The following SLC24A2 variants were observed in gnomAD, a reference collection of about 807,000 sequenced individuals.
The protein encoded by SLC24A2 is solute carrier family 24 member 2, also known as sodium/potassium/calcium exchanger 2.
SLC24A2 carries 36 observed loss-of-function variants against 62.0 expected under a neutral mutation model. That is an observed-to-expected ratio of 0.58 (90% CI 0.44 to 0.77). The LOEUF (loss-of-function observed/expected upper bound fraction) is 0.77. Among genes scored for constraint, SLC24A2 ranks in the 30% least tolerant of loss-of-function variants. SLC24A2 has a pLI of 0.00. For missense variants in SLC24A2, 846 were observed against 817.9 expected (o/e 1.03, Z -0.42); for synonymous variants, 358 against 294.0 (o/e 1.22, Z -2.23).
intron 2 of SLC24A2, among the ~76,000 whole-genome samples, chr9:19,785,673 CT>C (rs1395178151): frequency 2.0e-5 from 3 of 152,182 alleles, no homozygotes; most frequent in African/African-American, 4.8e-5. Context: ...GCTGAATTGG[CT>C]TTGGGAGGCT....
At chr9:19,961,098 G>A in the SLC24A2 span, among the ~76,000 whole-genome samples, 7 of 145,494 alleles carry the variant, frequency 4.8e-5, no homozygotes, top group African/African-American at 1.5e-4. Flanking sequence ...AGAGAAGAAA[G>A]GAGAGAGAGA....
chr9:19,553,173 G>GGGA (rs1834926563), intron 7 of SLC24A2, among the ~76,000 whole-genome samples: 1 of 152,192 alleles, frequency 6.6e-6, no homozygotes, highest in Non-Finnish European at 1.5e-5. Flanking sequence ...CTGGCTCAAT[G>GGGA]GGAGGCAGTT....
At position 19,786,723 on chromosome 9, in the gene SLC24A2, G is replaced by C; in HGVS notation, c.144C>G (p.Ala48=). ...TGATTGAAAATGAGACAGTGCTAAT[G>C]GCTACCAGACCCATGAAAAGGCCTA... ...RVLGLFMGLV[A]ISTVSFSISA... is the part of the protein sequence containing the mutation. The change falls in exon 2 of 11, where the codon GCC becomes GCG. Residue 48 remains alanine, a synonymous_variant. Coordinates refer to ENST00000341998, the MANE Select transcript of SLC24A2 (RefSeq NM_020344.4). This position sits in a 1 kb window ranked among gnomAD's most constrained non-coding sequence, Gnocchi z 5.0. The C allele has an allele frequency of 1.2e-6, 2 of 1,609,334 alleles. No individual in the cohort carries two copies. The highest frequency in any genetic ancestry group is 1.7e-6 in the Non-Finnish European group (2 of 1,177,186).
At chr9:20,290,031 G>A in the SLC24A2 span, among the ~76,000 whole-genome samples, 1 of 152,156 alleles carries the variant, frequency 6.6e-6, no homozygotes, top group African/African-American at 2.4e-5. Context: ...AACCCTGGCT[G>A]AGCTCTTGCC....
In SLC24A2 at chr9:19,576,988, C is replaced by A; in HGVS notation, c.1164G>T (p.Lys388Asn). Residue 388 changes from lysine (K) to asparagine (N), a missense_variant, in exon 6 of 11, where the codon AAG (lysine) becomes AAT (asparagine). Lys to Asn is a moderately conservative substitution (Grantham distance 94, BLOSUM62 0). Coordinates refer to ENST00000341998, the MANE Select transcript of SLC24A2 (RefSeq NM_020344.4). ...RFREKASILH[K>N]IAKKKCHVDE... ...CCACATGACATTTCTTCTTGGCGAT[C>A]TTGTGGAGAATTGAAGCCTTTTCTC... is the stretch of plus-strand genomic sequence containing the variant. 1 of 1,614,188 alleles carries A rather than the reference C, an allele frequency of 6.2e-7. No homozygotes were observed. The highest frequency in any genetic ancestry group is 1.3e-5 in the African/African-American group (1 of 75,060).
chr9:19,636,315 T>TTTTCTTTTCTTTCTTTCTTTCTTTCTTTC, intron 2 of SLC24A2, among the ~76,000 whole-genome samples: 14 of 40,292 alleles, frequency 3.5e-4, no homozygotes, highest in Non-Finnish European at 2.8e-4. Context: ...TTTTCTTTTC[T>TTTTCTTTTCTTTCTTTCTTTCTTTCTTTC]TTTCTTTCTT....
the SLC24A2 span, among the ~76,000 whole-genome samples, chr9:20,293,813 C>T: frequency 6.6e-6 from 1 of 152,148 alleles, no homozygotes; most frequent in Non-Finnish European, 1.5e-5. Context: ...TATTTGAAGA[C>T]ATTTATTTAG....
chr9:19,586,363 C>T (rs946473935), intron 5 of SLC24A2, among the ~76,000 whole-genome samples: 6 of 152,128 alleles, frequency 3.9e-5, no homozygotes, highest in African/African-American at 1.4e-4. Context: ...ACACAAACAA[C>T]AAAGAATATG....
chr9:20,139,107 T>C, the SLC24A2 span, among the ~76,000 whole-genome samples: 2 of 152,232 alleles, frequency 1.3e-5, no homozygotes, highest in African/African-American at 4.8e-5. Flanking sequence ...ACTCAGAGGC[T>C]GCAAATACAT....
chr9:19,839,347 C>T, the SLC24A2 span, among the ~76,000 whole-genome samples: 67 of 152,286 alleles, frequency 4.4e-4, no homozygotes, highest in African/African-American at 1.5e-3. Flanking sequence ...TTCCTTGTTG[C>T]TATTTCTGTT....
At chr9:19,637,120 G>T (rs149739537) in intron 2 of SLC24A2, among the ~76,000 whole-genome samples, 1 of 152,160 alleles carries the variant, frequency 6.6e-6, no homozygotes, top group Non-Finnish European at 1.5e-5. Flanking sequence ...AAAAGGACCC[G>T]TCTAGCCCAT....
intron 2 of SLC24A2, among the ~76,000 whole-genome samples, chr9:19,752,158 A>C (rs151022240): frequency 1.3e-5 from 2 of 152,146 alleles, no homozygotes; most frequent in Non-Finnish European, 2.9e-5. Flanking sequence ...GGAAGAAATA[A>C]GAACGGAAAC....
chr9:20,168,617 G>A, the SLC24A2 span, among the ~76,000 whole-genome samples: 10 of 151,982 alleles, frequency 6.6e-5, no homozygotes, highest in South Asian at 1.0e-3. Flanking sequence ...CATATCATTC[G>A]TTATTAGGGA....
chr9:20,091,152 AG>A, the SLC24A2 span, among the ~76,000 whole-genome samples: 1 of 152,090 alleles, frequency 6.6e-6, no homozygotes, highest in African/African-American at 2.4e-5. Flanking sequence ...AAAAAGAAAA[AG>A]AAAAAAAAAG....
chr9:20,176,279 A>G, the SLC24A2 span, among the ~76,000 whole-genome samples: 233 of 152,036 alleles, frequency 1.5e-3, no homozygotes, highest in Middle Eastern at 6.8e-3. Context: ...ATATCTTCTG[A>G]TTTACTTCAT....
chr9:19,702,319 T>C (rs1214072222), intron 2 of SLC24A2, among the ~76,000 whole-genome samples: 2 of 152,182 alleles, frequency 1.3e-5, no homozygotes, highest in Admixed American at 6.5e-5. Flanking sequence ...TGCAAAGCAA[T>C]CTATTCACAA....
At chr9:19,580,504 G>A (rs1358423671) in intron 5 of SLC24A2, among the ~76,000 whole-genome samples, 1 of 152,214 alleles carries the variant, frequency 6.6e-6, no homozygotes, top group Non-Finnish European at 1.5e-5. Flanking sequence ...TGAGCGTGAA[G>A]GACCTGGGGC....
At chr9:20,158,635 A>T in the SLC24A2 span, among the ~76,000 whole-genome samples, 1 of 151,706 alleles carries the variant, frequency 6.6e-6, no homozygotes, top group Non-Finnish European at 1.5e-5. Context: ...AGCAGCCTAA[A>T]AAGAATAAGA....
the SLC24A2 span, among the ~76,000 whole-genome samples, chr9:20,106,736 A>C: frequency 6.6e-6 from 1 of 152,184 alleles, no homozygotes; most frequent in African/African-American, 2.4e-5. Flanking sequence ...ACCCACAGCC[A>C]ATACCATACT....
Sources: gnomAD v4.1 joint callset for allele counts (sites outside exome capture counted in the v4.1 genomes callset) on GRCh38, gnomAD v4.1.1 for gene constraint, Gnocchi (gnomAD v3.1) non-coding constraint, MANE v1.5 for transcripts, NCBI Gene and HGNC (gene_info 2026-07-23, HGNC 2026-07-21) for gene names.